BRI3BP: variants seen among roughly 807,000 people sequenced by gnomAD.
BRI3BP encodes the protein BRI3 binding protein.
BRI3BP carries 7 observed loss-of-function variants against 15.8 expected under a neutral mutation model. The observed-to-expected ratio is 0.44, with a 90% CI of 0.25 to 0.83. The LOEUF is 0.83. Among genes scored for constraint, BRI3BP ranks in the 40% least tolerant of loss-of-function variants. The pLI, the probability that BRI3BP is intolerant of heterozygous loss-of-function variation, is 0.20. For synonymous variants in BRI3BP, 192 were observed against 163.5 expected, an observed-to-expected ratio of 1.17 and a Z score of -1.33; for missense variants, 320 against 339.3, an observed-to-expected ratio of 0.94 and a Z score of 0.45.
chr12:125,019,953 C>CTTTTTTTT (rs71092263), intron 2 of BRI3BP, among the ~76,000 whole-genome samples: 6 of 75,066 alleles, frequency 8.0e-5, no homozygotes, highest in Non-Finnish European at 1.2e-4. Context: ...CAACAACAGA[C>CTTTTTTTT]TTTTTTTTTT....
At chr12:125,047,821 C>T in the BRI3BP span, among the ~76,000 whole-genome samples, 25 of 151,924 alleles carry the variant, frequency 1.6e-4, no homozygotes, top group African/African-American at 5.6e-4. Context: ...CTCAGCCTCC[C>T]GAGTAGCTGG....
At chr12:125,043,255 G>C in the BRI3BP span, among the ~76,000 whole-genome samples, 1 of 152,112 alleles carries the variant, frequency 6.6e-6, no homozygotes, top group African/African-American at 2.4e-5. Context: ...GGAAGATCGT[G>C]TGTGTTCTCC....
In BRI3BP at chr12:125,030,957, T is replaced by C. The variant is rs1023820426; in HGVS notation, c.*5527T>C. The C allele has an allele frequency of 2.7e-5, 4 of 149,520 alleles. No homozygotes were observed. The highest frequency in any genetic ancestry group is 6.0e-5 in the Non-Finnish European group (4 of 66,902). The allele number at this position is 149,520 out of a possible 1,614,324, so 9.3% of individuals were successfully genotyped here. The stretch of plus-strand genomic sequence containing the variant: ...ATTTGATTTGAATAGTGTGTGTGTG[T>C]ACATGGTGTGTGTGTGTGTGTGCAC... On this transcript the variant is annotated 3_prime_UTR_variant, in exon 3 of 3. Coordinates refer to ENST00000341446, the MANE Select transcript of BRI3BP (RefSeq NM_080626.6).
At chr12:124,999,437 T>G (rs2135986549) in intron 1 of BRI3BP, among the ~76,000 whole-genome samples, 1 of 152,084 alleles carries the variant, frequency 6.6e-6, no homozygotes, top group East Asian at 1.9e-4. Flanking sequence ...ATTTTATTTT[T>G]CCCTGAAACA....
the BRI3BP span, among the ~76,000 whole-genome samples, chr12:125,045,297 C>G: frequency 6.6e-6 from 1 of 152,174 alleles, no homozygotes; most frequent in African/African-American, 2.4e-5. Context: ...CCGTTTAAGT[C>G]TAGATAAAAG....
At chr12:125,022,541 A>ATTTATTTTTTTATTTTTTT in intron 2 of BRI3BP, among the ~76,000 whole-genome samples, 2 of 139,434 alleles carry the variant, frequency 1.4e-5, no homozygotes, top group South Asian at 2.2e-4. Flanking sequence ...TTATTTATTT[A>ATTTATTTTTTTATTTTTTT]TTTTTTGAGA....
the BRI3BP span, among the ~76,000 whole-genome samples, chr12:125,048,730 A>T: frequency 6.6e-6 from 1 of 151,992 alleles, no homozygotes; most frequent in African/African-American, 2.4e-5. Context: ...AATAATTAAA[A>T]AAAAAAGAAA....
Position 125,031,018 on chromosome 12 carries a change from A to G in BRI3BP, c.*5588A>G, listed in dbSNP as rs1186541162. 1 of 152,102 alleles carries G rather than the reference A, an allele frequency of 6.6e-6. No individual in the cohort carries two copies. Among genetic ancestry groups the G allele is most frequent in the Non-Finnish European group, 1.5e-5 (1 of 68,014 alleles). 9.4% of individuals were successfully genotyped at this position (152,102 alleles called of 1,614,324 possible). A position where few individuals can be genotyped will look rare whatever the true frequency, so the allele number is the denominator to read the frequency against. On this transcript the variant is annotated 3_prime_UTR_variant, in exon 3 of 3. Coordinates refer to ENST00000341446, the MANE Select transcript of BRI3BP (RefSeq NM_080626.6). ...TGAGCCTTGGGAAACTGATTCTACA[A>G]ATATCTTATATAGAGATAAATGTAT...
At chr12:124,998,737 T>C (rs7307530) in intron 1 of BRI3BP, among the ~76,000 whole-genome samples, 93,754 of 152,000 alleles carry the variant, frequency 0.62, 29,320 homozygotes, top group South Asian at 0.83. Flanking sequence ...TTGTACACTT[T>C]AAAATGGTTA....
chr12:125,014,529 C>T (rs1224371789), intron 2 of BRI3BP, among the ~76,000 whole-genome samples: 1 of 152,228 alleles, frequency 6.6e-6, no homozygotes, highest in Non-Finnish European at 1.5e-5. Context: ...AGTTCTCTCC[C>T]TGTGGAGTCA....
At chr12:125,004,607 C>A (rs979882743) in intron 1 of BRI3BP, among the ~76,000 whole-genome samples, 1 of 152,138 alleles carries the variant, frequency 6.6e-6, no homozygotes, top group African/African-American at 2.4e-5. Context: ...CTGTTTCCCC[C>A]ATTATTAACG....
chr12:125,011,667 G>GA (rs1197567578), intron 1 of BRI3BP, among the ~76,000 whole-genome samples: 1 of 152,144 alleles, frequency 6.6e-6, no homozygotes, highest in African/African-American at 2.4e-5. Context: ...AGTCTCCACT[G>GA]AATACCTGTT....
chr12:124,997,483 C>G (rs1955051571), intron 1 of BRI3BP, among the ~76,000 whole-genome samples: 1 of 151,458 alleles, frequency 6.6e-6, no homozygotes, highest in Non-Finnish European at 1.5e-5. Flanking sequence ...CCCAAAGTGC[C>G]GGATTTACAG....
At position 124,993,888 on chromosome 12, in the gene BRI3BP, A is replaced by AT; in HGVS notation, c.98_99insT (p.Gln33HisfsTer46). On this transcript the variant is annotated frameshift_variant, in exon 1 of 3. Coordinates refer to ENST00000341446, the MANE Select transcript of BRI3BP (RefSeq NM_080626.6). LOFTEE classifies it high-confidence loss of function. ...CTCGGGCTGCTGGCCCCGGGCGCGC[A>AT]GGGGGCGCGGGGCCGCGGCGGCGCG... 8.1e-7 allele frequency: 1 copy of AT among 1,240,488 alleles called. No individual in the cohort carries two copies. Among genetic ancestry groups the AT allele is most frequent in the Non-Finnish European group, 1.0e-6 (1 of 986,822 alleles). The allele number at this position is 1,240,488 out of a possible 1,614,324, so 76.8% of individuals were successfully genotyped here.
At chr12:125,012,758 A>G (rs1396441274) in intron 2 of BRI3BP, 122 bp downstream of exon 2, 1 of 741,596 alleles carries the variant, frequency 1.3e-6, no homozygotes, top group Non-Finnish European at 2.4e-6. Context: ...CAGTGAGGAT[A>G]TGAGTGAACA....
the BRI3BP span, among the ~76,000 whole-genome samples, chr12:125,049,695 G>C: frequency 6.6e-6 from 1 of 152,182 alleles, no homozygotes; most frequent in African/African-American, 2.4e-5. Flanking sequence ...TGGGAGGTGC[G>C]GCCTATGAAC....
At chr12:125,045,722 T>G in the BRI3BP span, among the ~76,000 whole-genome samples, 1 of 152,230 alleles carries the variant, frequency 6.6e-6, no homozygotes, top group Non-Finnish European at 1.5e-5. Context: ...AACTAAATAT[T>G]GAGTGCCTAC....
At chr12:125,007,895 T>G (rs1447879169) in intron 1 of BRI3BP, among the ~76,000 whole-genome samples, 2 of 152,198 alleles carry the variant, frequency 1.3e-5, no homozygotes, top group Non-Finnish European at 2.9e-5. Context: ...TGTGCACGTA[T>G]GTCTGGCCTG....
chr12:125,003,883 G>A (rs1955117699), intron 1 of BRI3BP, among the ~76,000 whole-genome samples: 1 of 151,906 alleles, frequency 6.6e-6, no homozygotes, highest in Admixed American at 6.6e-5. Flanking sequence ...AGCCCAGGAG[G>A]CGGAGGTTGC....
Sources: gnomAD v4.1 joint callset for allele counts (sites outside exome capture counted in the v4.1 genomes callset) on GRCh38, gnomAD v4.1.1 for gene constraint, MANE v1.5 for transcripts, NCBI Gene and HGNC (gene_info 2026-07-23, HGNC 2026-07-21) for gene names.